CDH4: variants seen among roughly 807,000 people sequenced by gnomAD.
CDH4 encodes the protein cadherin 4, also known as cadherin-4.
In CDH4, 33 loss-of-function variants were observed where a neutral mutation model predicts 86.0. The observed-to-expected ratio is 0.38, with a 90% CI of 0.29 to 0.51. The LOEUF (loss-of-function observed/expected upper bound fraction) is 0.51, where lower values mean the gene tolerates loss of function less well. Among genes scored for constraint, CDH4 ranks in the 20% least tolerant of loss-of-function variants. The pLI, the probability that CDH4 is intolerant of heterozygous loss-of-function variation, is 0.86. For missense variants in CDH4, 1,114 were observed against 1,307.4 expected, an observed-to-expected ratio of 0.85 and a Z score of 2.28; for synonymous variants, 555 against 549.4, an observed-to-expected ratio of 1.01 and a Z score of -0.14.
intron 2 of CDH4, among the ~76,000 whole-genome samples, chr20:61,596,404 G>A (rs73914891): frequency 0.025 from 3,858 of 152,266 alleles, 171 homozygotes; most frequent in African/African-American, 0.085. Flanking sequence ...CCAACTCATC[G>A]TGTGCAGAAA....
intron 2 of CDH4, among the ~76,000 whole-genome samples, chr20:61,661,610 C>G (rs1336650926): frequency 2.0e-5 from 3 of 151,920 alleles, no homozygotes; most frequent in African/African-American, 7.3e-5. Flanking sequence ...TGCGTCTTCC[C>G]AATTAACCCA....
intron 2 of CDH4, among the ~76,000 whole-genome samples, chr20:61,591,092 C>T (rs1202257945): frequency 2.6e-5 from 4 of 151,924 alleles, no homozygotes. Flanking sequence ...GGGCTGGATC[C>T]ATTGATAAGT....
At chr20:61,265,563 C>G (rs1319423568) in intron 2 of CDH4, among the ~76,000 whole-genome samples, 7 of 152,206 alleles carry the variant, frequency 4.6e-5, no homozygotes, top group Admixed American at 4.6e-4. Context: ...CTCCTTCACT[C>G]AATCTTACAC....
At chr20:61,298,218 A>G (rs2427050) in intron 2 of CDH4, among the ~76,000 whole-genome samples, 140,341 of 152,206 alleles carry the variant, frequency 0.92, 65,358 homozygotes, top group Non-Finnish European at 0.99. Context: ...GGACACCAGC[A>G]CGATGACTCA....
At chr20:61,716,596 A>G (rs2087957608) in intron 2 of CDH4, among the ~76,000 whole-genome samples, 1 of 152,196 alleles carries the variant, frequency 6.6e-6, no homozygotes, top group Non-Finnish European at 1.5e-5. Context: ...AGACTCACCA[A>G]AGCCCTTCGC....
chr20:61,434,073 C>G (rs1396060041), intron 2 of CDH4, among the ~76,000 whole-genome samples: 1 of 152,168 alleles, frequency 6.6e-6, no homozygotes, highest in East Asian at 1.9e-4. Flanking sequence ...TACCACTCTC[C>G]ACTGGCTTCG....
intron 2 of CDH4, among the ~76,000 whole-genome samples, chr20:61,523,797 A>G (rs201198957): frequency 6.6e-6 from 1 of 152,138 alleles, no homozygotes; most frequent in Non-Finnish European, 1.5e-5. Context: ...AGCTCCTTTC[A>G]CTGCCGGGGA....
At chr20:61,638,626 C>T (rs1263773147) in intron 2 of CDH4, among the ~76,000 whole-genome samples, 6 of 152,116 alleles carry the variant, frequency 3.9e-5, no homozygotes, top group Non-Finnish European at 7.4e-5. Context: ...TATAAAGATA[C>T]CTGTCATTCA....
At chr20:61,386,363 G>A (rs2084950661) in intron 2 of CDH4, among the ~76,000 whole-genome samples, 4 of 152,136 alleles carry the variant, frequency 2.6e-5, no homozygotes, top group Non-Finnish European at 5.9e-5. Flanking sequence ...CTCCAGACAG[G>A]AGACATTGGA....
intron 11 of CDH4, among the ~76,000 whole-genome samples, chr20:61,925,231 C>T (rs1296014798): frequency 2.0e-5 from 3 of 152,214 alleles, no homozygotes; most frequent in Non-Finnish European, 4.4e-5. Flanking sequence ...TCTCAAGAAG[C>T]AGCCACCCCT....
rs769063526 is a variant in CDH4 at position 61,934,145 on chromosome 20, G to A, written c.2469G>A (p.Pro823=). Residue 823 remains proline (P), a synonymous_variant, in exon 15 of 16, where the codon CCG becomes CCA. Coordinates refer to ENST00000614565, the MANE Select transcript of CDH4 (RefSeq NM_001794.5). ...GCGTGCGTCGCGTGGATGAGCGGCCGGTGGGCGCTGAGCCCCAGTACCCGA... is the reference window on the plus strand; with the variant it reads ...GCGTGCGTCGCGTGGATGAGCGGCCAGTGGGCGCTGAGCCCCAGTACCCGA... The part of the protein sequence containing the change: ...APGVRRVDER[P]VGAEPQYPIR... 4.1e-5 allele frequency: 66 copies of A among 1,610,326 alleles called. No individual in the cohort carries two copies. The highest frequency in any genetic ancestry group is 1.3e-4 in the East Asian group (6 of 44,836).
At chr20:61,562,543 T>C (rs1023594340) in intron 2 of CDH4, among the ~76,000 whole-genome samples, 5 of 152,320 alleles carry the variant, frequency 3.3e-5, no homozygotes, top group African/African-American at 4.8e-5. Context: ...GAACCCACCT[T>C]GTACACCCCA....
rs2085153070 is a variant in CDH4, at chr20:61,417,446, G to A, written c.169+162509G>A. Reference sequence around the variant, plus strand: ...GGGGTGTGGGGCCCGAGTGCCAGCTGTTTCCTCTAAAAATATCACCCACGT... The same window carrying A: ...GGGGTGTGGGGCCCGAGTGCCAGCTATTTCCTCTAAAAATATCACCCACGT... On this transcript the variant is annotated intron_variant, in intron 2 of 15. Coordinates refer to ENST00000614565, the MANE Select transcript of CDH4 (RefSeq NM_001794.5). This position sits in a 1 kb window ranked among gnomAD's most constrained non-coding sequence, Gnocchi z 4.0. 1.3e-5 allele frequency among the ~76,000 whole-genome samples: 2 copies of A among 152,122 alleles called. No individual in the cohort carries two copies. Among genetic ancestry groups the A allele is most frequent in the South Asian group, 4.1e-4 (2 of 4,828 alleles).
chr20:61,658,179 G>A (rs939013890), intron 2 of CDH4, among the ~76,000 whole-genome samples: 2 of 152,056 alleles, frequency 1.3e-5, no homozygotes, highest in South Asian at 2.1e-4. Flanking sequence ...ATTAGAGAGG[G>A]TTCAAATGCA....
intron 2 of CDH4, among the ~76,000 whole-genome samples, chr20:61,329,748 G>A (rs181630512): frequency 1.3e-5 from 2 of 152,270 alleles, no homozygotes; most frequent in South Asian, 2.1e-4. Flanking sequence ...TGTTACATAG[G>A]CAAGCATGTG....
At chr20:61,301,858 T>C (rs1477133663) in intron 2 of CDH4, among the ~76,000 whole-genome samples, 1 of 152,226 alleles carries the variant, frequency 6.6e-6, no homozygotes, top group Non-Finnish European at 1.5e-5. Context: ...TGCCAGCTGC[T>C]GCTAAGCTTC....
chr20:61,809,948 C>T (rs1479060818), intron 4 of CDH4, among the ~76,000 whole-genome samples: 1 of 152,096 alleles, frequency 6.6e-6, no homozygotes, highest in African/African-American at 2.4e-5. Flanking sequence ...TGCAGGCAGT[C>T]AGGGGAGGAA....
At chr20:61,521,872 C>T (rs759521426) in intron 2 of CDH4, among the ~76,000 whole-genome samples, 3 of 152,180 alleles carry the variant, frequency 2.0e-5, no homozygotes, top group Non-Finnish European at 4.4e-5. Flanking sequence ...TGATTTTAGT[C>T]GCATTTCCTG....
intron 2 of CDH4, among the ~76,000 whole-genome samples, chr20:61,452,791 G>C (rs903233237): frequency 2.6e-5 from 4 of 152,130 alleles, no homozygotes; most frequent in Non-Finnish European, 5.9e-5. Flanking sequence ...CCTTGAGAAA[G>C]TGGCCCCTGG....
Sources: gnomAD v4.1 joint callset for allele counts (sites outside exome capture counted in the v4.1 genomes callset) on GRCh38, gnomAD v4.1.1 for gene constraint, Gnocchi (gnomAD v3.1) non-coding constraint, MANE v1.5 for transcripts, NCBI Gene and HGNC (gene_info 2026-07-23, HGNC 2026-07-21) for gene names.